ARHGAP24: variants seen among roughly 807,000 people sequenced by gnomAD.
The protein encoded by ARHGAP24 is rho GTPase-activating protein 24.
In ARHGAP24, 50 loss-of-function variants were observed where a neutral mutation model predicts 76.4. The ratio of observed to expected loss-of-function variants is 0.65; its 90% CI spans 0.52 to 0.83. ARHGAP24 has a LOEUF of 0.83. Among genes scored for constraint, ARHGAP24 ranks in the 40% least tolerant of loss-of-function variants. The pLI, the probability that ARHGAP24 is intolerant of heterozygous loss-of-function variation, is 0.00. For missense variants in ARHGAP24, 930 were observed against 914.2 expected, an observed-to-expected ratio of 1.02 and a Z score of -0.22; for synonymous variants, 345 against 323.3, an observed-to-expected ratio of 1.07 and a Z score of -0.72.
rs1739035684 is a variant in ARHGAP24 at position 85,972,333 on chromosome 4, C to T, written c.732+165C>T. On this transcript the variant is annotated intron_variant, in intron 6 of 9. Coordinates refer to ENST00000395184, the MANE Select transcript of ARHGAP24 (RefSeq NM_001025616.3). The stretch of plus-strand genomic sequence containing the variant: ...GACTTTCCGTATACAGCTCAAGCAC[C>T]ATTTCCGATCCCCTCTCTGATCAAA... The T allele has an allele frequency of 3.6e-5, 29 of 811,130 alleles. No homozygotes were observed. The South Asian group carries it at 4.6e-4, about 13-fold the overall frequency. The allele number at this position is 811,130 out of a possible 1,614,324, so 50.2% of individuals were successfully genotyped here.
intron 7 of ARHGAP24, chr4:85,975,575 T>TCAATTATAC (rs1398680116): frequency 6.5e-6 from 1 of 153,004 alleles, no homozygotes; most frequent in East Asian, 1.9e-4. Flanking sequence ...AAAATATACC[T>TCAATTATAC]CTCAATGTAT....
In ARHGAP24 at chr4:85,938,061, C is replaced by T. The variant is rs115621194; in HGVS notation, c.392-4005C>T. 3.4e-3 allele frequency among the ~76,000 whole-genome samples: 511 copies of T among 152,258 alleles called. 4 individuals are homozygous for T. Among genetic ancestry groups the T allele is most frequent in the African/African-American group, 0.012 (481 of 41,538 alleles). Reference sequence around the variant, plus strand: ...CTATAAATCACATGTAAAGGGGGACCCTTACAAACCCTGAAGGCTGTGGTG... The same window carrying T: ...CTATAAATCACATGTAAAGGGGGACTCTTACAAACCCTGAAGGCTGTGGTG... On this transcript the variant is annotated intron_variant, in intron 4 of 9. Coordinates refer to ENST00000395184, the MANE Select transcript of ARHGAP24 (RefSeq NM_001025616.3).
At chr4:85,634,034 C>A (rs1721238813) in intron 2 of ARHGAP24, among the ~76,000 whole-genome samples, 1 of 151,832 alleles carries the variant, frequency 6.6e-6, no homozygotes, top group African/African-American at 2.4e-5. Flanking sequence ...AATGACTTGA[C>A]CTTATACTTG....
chr4:85,935,293 A>T (rs1736568010), intron 4 of ARHGAP24, among the ~76,000 whole-genome samples: 1 of 152,206 alleles, frequency 6.6e-6, no homozygotes, highest in African/African-American at 2.4e-5. Flanking sequence ...GGTTGTCTCA[A>T]ATCTATGAAT....
At chr4:85,476,038 AAT>A (rs911309917) in intron 1 of ARHGAP24, among the ~76,000 whole-genome samples, 6 of 145,508 alleles carry the variant, frequency 4.1e-5, no homozygotes, top group East Asian at 2.0e-4. Context: ...ATATGTATAA[AAT>A]ATGTTTTAAA....
At chr4:85,737,701 T>C (rs1035887206) in intron 3 of ARHGAP24, among the ~76,000 whole-genome samples, 5 of 152,124 alleles carry the variant, frequency 3.3e-5, no homozygotes, top group Non-Finnish European at 5.9e-5. Context: ...GCAAATTCAC[T>C]CTTTCTTTCA....
At chr4:85,955,523 A>G (rs1042000747) in intron 5 of ARHGAP24, among the ~76,000 whole-genome samples, 1 of 152,162 alleles carries the variant, frequency 6.6e-6, no homozygotes, top group Non-Finnish European at 1.5e-5. Flanking sequence ...TTAAATTCCG[A>G]TATTTGCCAG....
chr4:85,602,923 A>G (rs932882954), intron 2 of ARHGAP24, among the ~76,000 whole-genome samples: 1 of 152,242 alleles, frequency 6.6e-6, no homozygotes, highest in African/African-American at 2.4e-5. Context: ...TTGATTAATC[A>G]TGATTACCTC....
chr4:86,002,208 GTTTA>G lies in ARHGAP24; in HGVS notation c.*1494_*1497del, dbSNP rs1252195057. ...GTTTGAAGGTTCAATGCTTGCATGT[GTTTA>G]TTTATTTTCAAGAGGGAAAGTGGTC... On this transcript the variant is annotated 3_prime_UTR_variant, in exon 10 of 10. Transcript: ENST00000395184. 189 of 152,314 alleles carry G rather than the reference GTTTA, an allele frequency of 1.2e-3. No individual in the cohort carries two copies. Among genetic ancestry groups the G allele is most frequent in the African/African-American group, 4.1e-3 (169 of 41,570 alleles). 9.4% of individuals were successfully genotyped at this position (152,314 alleles called of 1,614,324 possible).
chr4:85,531,242 A>T (rs1223442662), intron 1 of ARHGAP24, among the ~76,000 whole-genome samples: 2 of 152,056 alleles, frequency 1.3e-5, no homozygotes, highest in Admixed American at 1.3e-4. Flanking sequence ...GGGAGAGGAC[A>T]TTATTGTTGC....
intron 2 of ARHGAP24, among the ~76,000 whole-genome samples, chr4:85,580,153 GGA>G (rs140863021): frequency 7.2e-4 from 106 of 147,870 alleles, no homozygotes; most frequent in South Asian, 1.1e-3. Flanking sequence ...GGAGGGTGAT[GGA>G]GAGAGAGAGA....
chr4:85,927,248 T>C (rs1466445151), intron 4 of ARHGAP24, among the ~76,000 whole-genome samples: 1 of 152,140 alleles, frequency 6.6e-6, no homozygotes. Context: ...AAAGAGCACA[T>C]TTTATGATTC....
At chr4:85,499,498 C>T (rs1290210368) in intron 1 of ARHGAP24, among the ~76,000 whole-genome samples, 1 of 152,134 alleles carries the variant, frequency 6.6e-6, no homozygotes, top group Non-Finnish European at 1.5e-5. Context: ...TCTTTGGTGA[C>T]GATTCAAGGT....
chr4:85,864,060 A>T (rs1732052808), intron 3 of ARHGAP24, among the ~76,000 whole-genome samples: 2 of 152,070 alleles, frequency 1.3e-5, no homozygotes. Context: ...TGGACTTTCC[A>T]GTTGATTGGA....
intron 2 of ARHGAP24, among the ~76,000 whole-genome samples, chr4:85,630,562 A>G (rs1721125916): frequency 1.3e-5 from 2 of 152,154 alleles, no homozygotes; most frequent in South Asian, 4.1e-4. Flanking sequence ...GGGTCTGTGA[A>G]GGGCTTACAG....
At chr4:85,678,418 C>G (rs1387991397) in intron 2 of ARHGAP24, among the ~76,000 whole-genome samples, 2 of 152,120 alleles carry the variant, frequency 1.3e-5, no homozygotes, top group Admixed American at 6.5e-5. Context: ...AAAGTAGTAT[C>G]AAAGTTCAAC....
chr4:85,904,930 A>G (rs1328276567), intron 3 of ARHGAP24, among the ~76,000 whole-genome samples: 1 of 152,198 alleles, frequency 6.6e-6, no homozygotes, highest in East Asian at 1.9e-4. Context: ...AAACCCCAAA[A>G]CAGACTGGTA....
At chr4:85,941,562 G>A (rs2148824788) in intron 4 of ARHGAP24, among the ~76,000 whole-genome samples, 1 of 152,052 alleles carries the variant, frequency 6.6e-6, no homozygotes, top group African/African-American at 2.4e-5. Flanking sequence ...TTCTTTTCCT[G>A]GTTTTATCAC....
chr4:85,705,459 A>C (rs1448928883), intron 2 of ARHGAP24, among the ~76,000 whole-genome samples: 2 of 152,226 alleles, frequency 1.3e-5, no homozygotes, highest in Non-Finnish European at 2.9e-5. Flanking sequence ...GTGACTACAC[A>C]CTCACTGTGA....
Sources: allele counts gnomAD v4.1 joint callset (sites outside exome capture counted in the v4.1 genomes callset), GRCh38; gene constraint gnomAD v4.1.1; transcripts MANE v1.5; gene names NCBI Gene and HGNC (gene_info 2026-07-23, HGNC 2026-07-21).